Variants in POLA1 observed in about 807,000 individuals in gnomAD.
POLA1 encodes DNA polymerase alpha catalytic subunit.
In POLA1, 15 loss-of-function variants were observed where a neutral mutation model predicts 124.0. That is an observed-to-expected ratio of 0.12 (90% CI 0.08 to 0.19). POLA1 has a LOEUF of 0.19. Among genes scored for constraint, POLA1 ranks in the 10% least tolerant of loss-of-function variants. The pLI is 1.00. For missense variants in POLA1, 886 were observed against 1,103.4 expected (o/e 0.80, Z 2.79); for synonymous variants, 408 against 389.4 (o/e 1.05, Z -0.56).
intron 32 of POLA1, among the ~76,000 whole-genome samples, chrX:24,834,368 A>G (rs1033749015): frequency 5.4e-5 from 6 of 111,746 alleles, no homozygotes; most frequent in African/African-American, 2.0e-4. Context: ...ATACTCAGAA[A>G]TTTTCCATTT....
At chrX:24,840,954 G>A (rs1190175170) in intron 32 of POLA1, among the ~76,000 whole-genome samples, 1 of 112,296 alleles carries the variant, frequency 8.9e-6, no homozygotes, top group Non-Finnish European at 1.9e-5. Flanking sequence ...AAACAAAATA[G>A]CATAAACATG....
intron 35 of POLA1, among the ~76,000 whole-genome samples, chrX:24,918,928 G>T (rs1213468946): frequency 9.0e-6 from 1 of 111,577 alleles, no homozygotes; most frequent in Non-Finnish European, 1.9e-5. Flanking sequence ...CTTAGGGAGG[G>T]CAGTAATCTG....
chrX:24,694,673 T>C (rs143921254), intron 1 of POLA1, among the ~76,000 whole-genome samples: 2 of 112,395 alleles, frequency 1.8e-5, no homozygotes, highest in African/African-American at 6.5e-5. Context: ...CAGGGGTGTC[T>C]TTTATTTCCA....
rs773547013 is a variant in POLA1 at position 24,832,880 on chromosome X, C to T, written c.3736+6279C>T. ...GTTTTTTCCAAAACCAGAAGTAAAACAATGGTTAAGCAATTACTAACTCAC... is the reference window on the plus strand; with the variant it reads ...GTTTTTTCCAAAACCAGAAGTAAAATAATGGTTAAGCAATTACTAACTCAC... On this transcript the variant is annotated intron_variant, in intron 32 of 36. Transcript: ENST00000379068. Among the ~76,000 whole-genome samples, 246 of 111,926 alleles carry T rather than the reference C, an allele frequency of 2.2e-3. 2 individuals are homozygous for T. Among genetic ancestry groups the T allele is most frequent in the African/African-American group, 7.7e-3 (239 of 30,839 alleles).
At chrX:24,834,878 TCA>T (rs1347060251) in intron 32 of POLA1, among the ~76,000 whole-genome samples, 2 of 111,188 alleles carry the variant, frequency 1.8e-5, no homozygotes, top group Non-Finnish European at 3.8e-5. Context: ...TTTTCTAGTA[TCA>T]CACATATTAA....
chrX:24,822,261 C>T (rs2046103221), intron 31 of POLA1, among the ~76,000 whole-genome samples: 1 of 111,813 alleles, frequency 8.9e-6, no homozygotes, highest in African/African-American at 3.3e-5. Context: ...GGAGAGGTCT[C>T]ATCCCTTCTA....
At chrX:24,963,323 A>G (rs112382292) in intron 36 of POLA1, among the ~76,000 whole-genome samples, 1,214 of 111,429 alleles carry the variant, frequency 0.011, 17 homozygotes, top group African/African-American at 0.038. Context: ...TCTTGCCCCA[A>G]CTCTTGCTCA....
At chrX:24,709,423 C>T (rs1400591142) in intron 4 of POLA1, among the ~76,000 whole-genome samples, 1 of 99,229 alleles carries the variant, frequency 1.0e-5, no homozygotes, top group Non-Finnish European at 2.1e-5. Flanking sequence ...GACGGCACGG[C>T]TGGCCAGGCG....
chrX:24,925,558 C>G (rs2047677501), intron 35 of POLA1, among the ~76,000 whole-genome samples: 1 of 111,928 alleles, frequency 8.9e-6, no homozygotes. Context: ...CAAACCAGTT[C>G]AAAAGAAAGT....
rs924100061 is a variant in POLA1 at position 24,826,728 on chromosome X, A to G, written c.3736+127A>G. ...GGCACTTCTTTGTTTATAGTTTAGAATGTATTTTTGTGGTTGTTTGGTACT... is the reference window on the plus strand; with the variant it reads ...GGCACTTCTTTGTTTATAGTTTAGAGTGTATTTTTGTGGTTGTTTGGTACT... On this transcript the variant is annotated intron_variant, in intron 32 of 36. Coordinates refer to ENST00000379068, the MANE Select transcript of POLA1 (RefSeq NM_001330360.2). 4 of 455,687 alleles carry G rather than the reference A, an allele frequency of 8.8e-6. No individual in the cohort carries two copies. The South Asian group carries it at 1.9e-4, about 21-fold the overall frequency. 37.6% of individuals were successfully genotyped at this position (455,687 alleles called of 1,213,427 possible). A position where few individuals can be genotyped will look rare whatever the true frequency, so the allele number is the denominator to read the frequency against.
intron 34 of POLA1, among the ~76,000 whole-genome samples, chrX:24,847,143 C>G (rs2046486955): frequency 9.0e-6 from 1 of 111,458 alleles, no homozygotes; most frequent in Admixed American, 9.5e-5. Flanking sequence ...AAGAAGCAGC[C>G]ACAGAAGAGA....
Position 24,739,276 on chromosome X carries a change from G to T in POLA1, c.2041-99G>T, listed in dbSNP as rs1042382396. ...TTGATTGATGTATGGAAGAATGAGA[G>T]TTTTATCATAATTTTGGGCCAGCTT... On this transcript the variant is annotated intron_variant, in intron 19 of 36. Transcript: ENST00000379068. 1.8e-4 allele frequency: 102 copies of T among 555,970 alleles called. 1 individual carries two copies. The South Asian group carries it at 3.0e-3, about 16-fold the overall frequency. The allele number at this position is 555,970 out of a possible 1,213,427, so 45.8% of individuals were successfully genotyped here.
chrX:24,862,268 A>G (rs757069463), intron 34 of POLA1, among the ~76,000 whole-genome samples: 3 of 112,329 alleles, frequency 2.7e-5, no homozygotes, highest in Non-Finnish European at 5.6e-5. Context: ...TTTGCATGAA[A>G]ATACATTAAT....
In POLA1 at chrX:24,716,474, C is replaced by T. The variant is rs775552478; in HGVS notation, c.618+20C>T. The T allele has an allele frequency of 9.0e-6, 8 of 888,918 alleles. No individual in the cohort carries two copies. The highest frequency in any genetic ancestry group is 1.3e-5 in the Non-Finnish European group (8 of 603,430). 73.3% of individuals were successfully genotyped at this position (888,918 alleles called of 1,213,427 possible). On this transcript the variant is annotated intron_variant, in intron 7 of 36. Transcript: ENST00000379068. The stretch of plus-strand genomic sequence containing the variant: ...GCCACGGTAAAGTGTGTAGAGATAC[C>T]TTCAATCTTGATTTATAGTATTGCT...
chrX:24,794,861 G>A (rs1371585934), intron 26 of POLA1, among the ~76,000 whole-genome samples: 2 of 108,750 alleles, frequency 1.8e-5, no homozygotes, highest in Non-Finnish European at 3.8e-5. Flanking sequence ...TCTTCGGCTT[G>A]CATTTTTTTT....
chrX:24,728,851 T>A (rs1418336896), intron 15 of POLA1, among the ~76,000 whole-genome samples: 1 of 112,177 alleles, frequency 8.9e-6, no homozygotes, highest in Non-Finnish European at 1.9e-5. Flanking sequence ...CTGCAAAGCC[T>A]AAAATATTTA....
intron 34 of POLA1, among the ~76,000 whole-genome samples, chrX:24,865,397 A>T (rs1199400083): frequency 8.9e-6 from 1 of 112,024 alleles, no homozygotes; most frequent in African/African-American, 3.2e-5. Flanking sequence ...AAGGCTGTTT[A>T]CTTGAGACAA....
chrX:24,790,782 T>C (rs1046101548), intron 26 of POLA1, among the ~76,000 whole-genome samples: 2 of 109,059 alleles, frequency 1.8e-5, no homozygotes, highest in Non-Finnish European at 3.8e-5. Flanking sequence ...AGAAGTAAAA[T>C]TGAGAATATG....
At chrX:24,857,771 A>AT (rs1369074192) in intron 34 of POLA1, among the ~76,000 whole-genome samples, 1 of 111,806 alleles carries the variant, frequency 8.9e-6, no homozygotes, top group Non-Finnish European at 1.9e-5. Context: ...ATTCAGCCAC[A>AT]TAATACTGCC....
Sources: allele counts gnomAD v4.1 joint callset (sites outside exome capture counted in the v4.1 genomes callset), GRCh38; gene constraint gnomAD v4.1.1; transcripts MANE v1.5; gene names NCBI Gene and HGNC (gene_info 2026-07-23, HGNC 2026-07-21).